The following UBXN7 variants were observed in gnomAD, a reference collection of about 807,000 sequenced individuals.
UBXN7 encodes UBX domain-containing protein 7.
In UBXN7, 9 loss-of-function variants were observed where a neutral mutation model predicts 58.0. The observed-to-expected ratio is 0.16, with a 90% CI of 0.09 to 0.27. The LOEUF is 0.27. UBXN7 is among the 10% of genes least tolerant of loss of function. The pLI is 1.00. For missense variants in UBXN7, 328 were observed against 599.6 expected (o/e 0.55, Z 4.73); for synonymous variants, 208 against 205.0 (o/e 1.01, Z -0.12).
At chr3:196,372,769 G>A (rs916866879) in intron 5 of UBXN7, among the ~76,000 whole-genome samples, 3 of 148,376 alleles carry the variant, frequency 2.0e-5, no homozygotes, top group Non-Finnish European at 4.5e-5. Flanking sequence ...TTTTTGAGAC[G>A]AGCTTTGCTC....
chr3:196,411,248 C>T (rs545256642), intron 1 of UBXN7, among the ~76,000 whole-genome samples: 5 of 152,296 alleles, frequency 3.3e-5, no homozygotes, highest in Non-Finnish European at 7.3e-5. Context: ...TCACACTTTG[C>T]TTGCATGTGA....
Position 196,348,910 on chromosome 3 carries a change from C to T in UBXN7, c.*7775G>A, listed in dbSNP as rs1728148577. The T allele has an allele frequency of 6.6e-6, 1 of 151,120 alleles. No homozygotes were observed. Among genetic ancestry groups the T allele is most frequent in the East Asian group, 1.9e-4 (1 of 5,198 alleles). 9.4% of individuals were successfully genotyped at this position (151,120 alleles called of 1,614,324 possible). ...CAATCAATACCTACTCGAAAAAGGA[C>T]TTTCCTGAAGGGCAAACAAAACAAA... is the stretch of plus-strand genomic sequence containing the variant. On this transcript the variant is annotated 3_prime_UTR_variant, in exon 11 of 11. Transcript: ENST00000296328.
In UBXN7 at chr3:196,355,113, A is replaced by C. The variant is rs1728310291; in HGVS notation, c.*1572T>G. Reference sequence around the variant, plus strand: ...CAAATCCCCTAATTGCCAAGAGAGCAATCTTAAAGTAGATGAAAACCTAAA... The same window carrying C: ...CAAATCCCCTAATTGCCAAGAGAGCCATCTTAAAGTAGATGAAAACCTAAA... On this transcript the variant is annotated 3_prime_UTR_variant, in exon 11 of 11. Transcript: ENST00000296328. 1 of 152,156 alleles carries C rather than the reference A, an allele frequency of 6.6e-6. No homozygotes were observed. The highest frequency in any genetic ancestry group is 2.1e-4 in the South Asian group (1 of 4,828). The allele number at this position is 152,156 out of a possible 1,614,324, so 9.4% of individuals were successfully genotyped here. A position where few individuals can be genotyped will look rare whatever the true frequency, so the allele number is the denominator to read the frequency against.
chr3:196,362,302 T>C lies in UBXN7; in HGVS notation c.1220A>G (p.Asp407Gly). ...GTCTAAATGTAACTTACCATTTACA[T>C]CTATCCCCTCCACTACTCCATCTGC... ...EKADGVVEGI[D>G]VNGPKAQLML... The change falls in exon 9 of 11, where the codon GAT (aspartate) becomes GGT (glycine). Residue 407 changes from aspartate to glycine, a missense_variant. Around this residue, in one of 4 missense-constraint regions of UBXN7, gnomAD observed 66 missense variants for 77.9 expected, o/e 0.85. Coordinates refer to ENST00000296328, the MANE Select transcript of UBXN7 (RefSeq NM_015562.2). 1 of 1,601,248 alleles carries C rather than the reference T, an allele frequency of 6.2e-7. No individual in the cohort carries two copies. Among genetic ancestry groups the C allele is most frequent in the Non-Finnish European group, 8.5e-7 (1 of 1,175,622 alleles).
chr3:196,425,480 C>A (rs2108627006), intron 1 of UBXN7, among the ~76,000 whole-genome samples: 1 of 152,108 alleles, frequency 6.6e-6, no homozygotes, highest in Middle Eastern at 3.4e-3. Flanking sequence ...GTTGCCTAGG[C>A]TGATCTCAAG....
At chr3:196,404,067 G>GT (rs1730078916) in intron 2 of UBXN7, among the ~76,000 whole-genome samples, 1 of 146,324 alleles carries the variant, frequency 6.8e-6, no homozygotes, top group Non-Finnish European at 1.5e-5. Flanking sequence ...TGGCAACATA[G>GT]TAAGACTCCA....
At chr3:196,430,807 T>C (rs1222107272) in intron 1 of UBXN7, among the ~76,000 whole-genome samples, 1 of 152,208 alleles carries the variant, frequency 6.6e-6, no homozygotes, top group Non-Finnish European at 1.5e-5. Context: ...CACTAACTTA[T>C]ATACACAATA....
chr3:196,422,632 T>C (rs185045963), intron 1 of UBXN7, among the ~76,000 whole-genome samples: 1,622 of 152,234 alleles, frequency 0.011, 17 homozygotes, highest in Non-Finnish European at 0.018. Flanking sequence ...AGAGCAATCC[T>C]CCCGCATCAG....
intron 3 of UBXN7, among the ~76,000 whole-genome samples, chr3:196,394,036 C>T (rs1038314936): frequency 7.9e-5 from 12 of 152,252 alleles, no homozygotes; most frequent in Non-Finnish European, 1.5e-4. Context: ...TGCCTGTAAT[C>T]CCAGCACTTT....
At chr3:196,378,533 T>C (rs772211216) in intron 5 of UBXN7, among the ~76,000 whole-genome samples, 1 of 152,226 alleles carries the variant, frequency 6.6e-6, no homozygotes, top group Non-Finnish European at 1.5e-5. Context: ...AATTTTTATG[T>C]TTATTTCTTG....
chr3:196,404,762 T>G (rs1344987388), intron 2 of UBXN7, among the ~76,000 whole-genome samples: 1 of 152,206 alleles, frequency 6.6e-6, no homozygotes, highest in Non-Finnish European at 1.5e-5. Context: ...AAAATTATGT[T>G]AAGTACCCTT....
intron 5 of UBXN7, among the ~76,000 whole-genome samples, chr3:196,377,969 C>T (rs1729084262): frequency 6.6e-6 from 1 of 152,196 alleles, no homozygotes; most frequent in South Asian, 2.1e-4. Flanking sequence ...GCCACTGCAT[C>T]CAGCTACATT....
In UBXN7 at chr3:196,347,794, G is replaced by C. The variant is rs1207656702; in HGVS notation, c.*8891C>G. 3 of 152,134 alleles carry C rather than the reference G, an allele frequency of 2.0e-5. No homozygotes were observed. The East Asian group carries it at 5.8e-4, about 29-fold the overall frequency. The allele number at this position is 152,134 out of a possible 1,614,324, so 9.4% of individuals were successfully genotyped here. On this transcript the variant is annotated 3_prime_UTR_variant, in exon 11 of 11. Transcript: ENST00000296328. The stretch of plus-strand genomic sequence containing the variant: ...TGAGTTTGGTCCCTCTCTCAGCACA[G>C]TGAGCTGATGTCTTCAAAAGACTTA...
At chr3:196,370,587 C>G (rs185331538) in intron 6 of UBXN7, among the ~76,000 whole-genome samples, 1 of 151,886 alleles carries the variant, frequency 6.6e-6, no homozygotes, top group African/African-American at 2.4e-5. Flanking sequence ...AGGAATTTTA[C>G]CATTAAAGTT....
chr3:196,365,698 G>T (rs73088713), intron 8 of UBXN7, among the ~76,000 whole-genome samples: 1 of 152,116 alleles, frequency 6.6e-6, no homozygotes, highest in Non-Finnish European at 1.5e-5. Flanking sequence ...ATGGCATCAC[G>T]AGGGACTATA....
Position 196,389,465 on chromosome 3 carries a change from G to A in UBXN7, c.468+2348C>T, listed in dbSNP as rs191458180. ...TCTGATTCAGAAAATTGAAACTGGA[G>A]AGCACGCTGATATGGTTTGGAAATT... is the stretch of plus-strand genomic sequence containing the variant. On this transcript the variant is annotated intron_variant, in intron 5 of 10. Transcript: ENST00000296328. Among the ~76,000 whole-genome samples, 15 of 152,322 alleles carry A rather than the reference G, an allele frequency of 9.8e-5. No individual in the cohort carries two copies. In the East Asian group the frequency reaches 2.1e-3, roughly 22 times the overall value.
intron 8 of UBXN7, among the ~76,000 whole-genome samples, chr3:196,366,946 G>A (rs1369919131): frequency 1.3e-5 from 2 of 152,174 alleles, no homozygotes; most frequent in Admixed American, 6.5e-5. Context: ...ACTTTGGGAG[G>A]CCGAGAAGGG....
chr3:196,363,646 A>G (rs1409126534), intron 8 of UBXN7, among the ~76,000 whole-genome samples: 1 of 151,972 alleles, frequency 6.6e-6, no homozygotes. Context: ...ATGATAACAA[A>G]GCAAAACAGG....
At chr3:196,429,188 G>T (rs1037827848) in intron 1 of UBXN7, among the ~76,000 whole-genome samples, 8 of 151,992 alleles carry the variant, frequency 5.3e-5, no homozygotes, top group African/African-American at 1.9e-4. Context: ...TTAGCCAGGC[G>T]TGGTGGCAGG....
Sources: gnomAD v4.1 joint callset for allele counts (sites outside exome capture counted in the v4.1 genomes callset) on GRCh38, gnomAD v4.1.1 for gene constraint, gnomAD v4.1.1 regional missense constraint, MANE v1.5 for transcripts, NCBI Gene and HGNC (gene_info 2026-07-23, HGNC 2026-07-21) for gene names.